The following SPRED3 variants were observed in gnomAD, a reference collection of about 807,000 sequenced individuals.
SPRED3 encodes sprouty-related, EVH1 domain-containing protein 3.
In SPRED3, 23 loss-of-function variants were observed where a neutral mutation model predicts 37.6. The ratio of observed to expected loss-of-function variants is 0.61; its 90% CI spans 0.44 to 0.87. The LOEUF (loss-of-function observed/expected upper bound fraction) is 0.87. Ranked by LOEUF, SPRED3 falls within the 40% of genes least tolerant of loss-of-function variation. The probability of loss-of-function intolerance (pLI) is 0.00; values close to 1 mark genes in which losing one functional copy is unlikely to be tolerated. For missense variants in SPRED3, 584 were observed against 618.6 expected (o/e 0.94, Z 0.59); for synonymous variants, 302 against 279.6 (o/e 1.08, Z -0.80).
In SPRED3 at chr19:38,392,338, T is replaced by A. The variant is rs1176592083; in HGVS notation, c.423+50T>A. The A allele has an allele frequency of 3.4e-6, 5 of 1,457,454 alleles. No individual in the cohort carries two copies. In the African/African-American group the frequency reaches 5.7e-5, roughly 17 times the overall value. 90.3% of individuals were successfully genotyped at this position (1,457,454 alleles called of 1,614,324 possible). A position where few individuals can be genotyped will look rare whatever the true frequency, so the allele number is the denominator to read the frequency against. Reference sequence around the variant, plus strand: ...CTGGGGGAGGGTAGGGGTTTTGTTTTTATTCTATGAACATTCTTGAGCACC... The same window carrying A: ...CTGGGGGAGGGTAGGGGTTTTGTTTATATTCTATGAACATTCTTGAGCACC... On this transcript the variant is annotated intron_variant, in intron 4 of 5. Transcript: ENST00000691638.
intron 2 of SPRED3, among the ~76,000 whole-genome samples, chr19:38,390,713 G>A (rs1054978326): frequency 1.3e-5 from 2 of 148,508 alleles, no homozygotes; most frequent in Admixed American, 6.9e-5. Flanking sequence ...CTGTCTCCCT[G>A]TACTGCTCCT....
intron 2 of SPRED3, 85 bp from the exon 3 acceptor site, chr19:38,391,861 G>T: frequency 2.0e-6 from 3 of 1,494,134 alleles, no homozygotes; most frequent in Non-Finnish European, 2.8e-6. Context: ...AGACACTAGG[G>T]TATGCATGGG....
rs1970914906 is a variant in SPRED3, at chr19:38,397,752, TC to T, written c.*1610del. 1.3e-5 allele frequency: 2 copies of T among 152,050 alleles called. No individual in the cohort carries two copies. Among genetic ancestry groups the T allele is most frequent in the Non-Finnish European group, 2.9e-5 (2 of 68,014 alleles). 9.4% of individuals were successfully genotyped at this position (152,050 alleles called of 1,614,324 possible). On this transcript the variant is annotated 3_prime_UTR_variant, in exon 6 of 6. Transcript: ENST00000691638. ...ATTACCCCTTTATCTTAGGGTGGGA[TC>T]CCTACCATTTGGAACTCATTGTAGG...
intron 4 of SPRED3, among the ~76,000 whole-genome samples, chr19:38,393,053 T>TCGGCCA (rs1970852156): frequency 1.3e-5 from 2 of 152,160 alleles, no homozygotes; most frequent in South Asian, 2.1e-4. Context: ...TTACTCGGCT[T>TCGGCCA]CGGCCACATG....
intron 4 of SPRED3, chr19:38,392,548 A>C: frequency 2.6e-6 from 1 of 388,624 alleles, no homozygotes. Flanking sequence ...TACATCAGTG[A>C]ACAAAAAGTT....
At chr19:38,391,341 AG>A (rs1970830766) in intron 2 of SPRED3, among the ~76,000 whole-genome samples, 3 of 135,186 alleles carry the variant, frequency 2.2e-5, no homozygotes, top group African/African-American at 8.0e-5. Flanking sequence ...AAAAAAAAAA[AG>A]AGAGAGAGAA....
At position 38,394,772 on chromosome 19, in the gene SPRED3, C is replaced by T. The variant is rs112201791; in HGVS notation, c.553C>T (p.Arg185Cys). ...GCCGACCACGCCCCCCCAGCGCCGC[C>T]GCTCCTCCGCTCAGGTGCGACCTGG... is the stretch of plus-strand genomic sequence containing the variant. ...FGPTTPPQRR[R>C]SSAQSYPPLL... The change falls in exon 5 of 6, where the codon CGC (arginine) becomes TGC (cysteine). Residue 185 changes from arginine to cysteine, a missense_variant. Coordinates refer to ENST00000691638, the MANE Select transcript of SPRED3 (RefSeq NM_001394336.1). 3.1e-5 allele frequency: 49 copies of T among 1,571,064 alleles called. No homozygotes were observed. Among genetic ancestry groups the T allele is most frequent in the Non-Finnish European group, 4.0e-5 (47 of 1,162,112 alleles).
chr19:38,394,591 C>T, intron 4 of SPRED3, 52 bp from the exon 5 acceptor site: 4 of 1,556,554 alleles, frequency 2.6e-6, no homozygotes, highest in Non-Finnish European at 3.5e-6. Context: ...TATGTGAGGG[C>T]ATCGGCTGTG....
At position 38,399,554 on chromosome 19, in the gene SPRED3, A is replaced by T. The variant is rs967508194; in HGVS notation, c.*3409A>T. 6.6e-6 allele frequency: 1 copy of T among 152,118 alleles called. No homozygotes were observed. The highest frequency in any genetic ancestry group is 2.4e-5 in the African/African-American group (1 of 41,406). The allele number at this position is 152,118 out of a possible 1,614,324, so 9.4% of individuals were successfully genotyped here. ...TTGTCATCGGGGGAGGGGGCACGAG[A>T]TCTGCTCCAAGAAATGTCTGTGACA... is the stretch of plus-strand genomic sequence containing the variant. On this transcript the variant is annotated 3_prime_UTR_variant, in exon 6 of 6. Coordinates refer to ENST00000691638, the MANE Select transcript of SPRED3 (RefSeq NM_001394336.1).
Position 38,398,400 on chromosome 19 carries a change from C to T in SPRED3, c.*2255C>T, listed in dbSNP as rs1970923922. 6.6e-6 allele frequency: 1 copy of T among 152,174 alleles called. No individual in the cohort carries two copies. The highest frequency in any genetic ancestry group is 2.1e-4 in the South Asian group (1 of 4,830). The allele number at this position is 152,174 out of a possible 1,614,324, so 9.4% of individuals were successfully genotyped here. On this transcript the variant is annotated 3_prime_UTR_variant, in exon 6 of 6. Transcript: ENST00000691638. ...AACAGGCATGTGCCACCACACCCAG[C>T]TAATTTTTTGTATTTTGAGTAGAGA...
Position 38,395,913 on chromosome 19 carries a change from G to T in SPRED3, c.1001G>T (p.Cys334Phe). The change falls in exon 6 of 6, where the codon TGC (cysteine) becomes TTC (phenylalanine). Residue 334 changes from cysteine to phenylalanine, a missense_variant. Cys to Phe is a radical substitution (Grantham distance 205). Around this residue, in one of 7 missense-constraint regions of SPRED3, gnomAD observed 67 missense variants for 57.4 expected, o/e 1.17. Coordinates refer to ENST00000691638, the MANE Select transcript of SPRED3 (RefSeq NM_001394336.1). The surrounding 1 kb of genome is among the most constrained non-coding windows in gnomAD (Gnocchi z 5.2). ...GTGCGCCGTCTAAGCTGCCTGTGGT[G>T]CGCCGAGAGCTTGCTCTACCACTGC... is the stretch of plus-strand genomic sequence containing the variant. ...LLVRRLSCLW[C>F]AESLLYHCLS... 2 of 1,511,538 alleles carry T rather than the reference G, an allele frequency of 1.3e-6. No individual in the cohort carries two copies. The highest frequency in any genetic ancestry group is 8.8e-7 in the Non-Finnish European group (1 of 1,139,206). 93.6% of individuals were successfully genotyped at this position (1,511,538 alleles called of 1,614,324 possible).
chr19:38,394,848 A>T (rs1970876241), intron 5 of SPRED3, 62 bp downstream of exon 5: 1 of 1,460,204 alleles, frequency 6.8e-7, no homozygotes, highest in Non-Finnish European at 9.0e-7. Context: ...GCCCGAAGGG[A>T]GCGGGAGCCA....
rs1043731513 is a variant in SPRED3, at chr19:38,397,367, G to A, written c.*1222G>A. On this transcript the variant is annotated 3_prime_UTR_variant, in exon 6 of 6. Transcript: ENST00000691638. The stretch of plus-strand genomic sequence containing the variant: ...CCTTGAGTGACCCTAAGGTACTTTA[G>A]GAGCACTGGATCCAATACCCCAAAG... 1.3e-5 allele frequency: 2 copies of A among 152,172 alleles called. No homozygotes were observed. Among genetic ancestry groups the A allele is most frequent in the African/African-American group, 4.8e-5 (2 of 41,412 alleles). The allele number at this position is 152,172 out of a possible 1,614,324, so 9.4% of individuals were successfully genotyped here.
At chr19:38,394,560 C>A in intron 4 of SPRED3, 83 bp from the exon 5 acceptor site, 3 of 1,551,554 alleles carry the variant, frequency 1.9e-6, no homozygotes, top group Non-Finnish European at 1.7e-6. Flanking sequence ...GCAGAGCCCT[C>A]GCTCTCAATG....
At chr19:38,393,744 G>A (rs1474092564) in intron 4 of SPRED3, among the ~76,000 whole-genome samples, 1 of 152,178 alleles carries the variant, frequency 6.6e-6, no homozygotes, top group Non-Finnish European at 1.5e-5. Context: ...ACAGTGCCTG[G>A]CACACAGTAA....
Position 38,396,100 on chromosome 19 carries a change from C to T in SPRED3, c.1188C>T (p.Cys396=). 2.3e-6 allele frequency: 3 copies of T among 1,292,630 alleles called. No homozygotes were observed. The highest frequency in any genetic ancestry group is 2.4e-5 in the South Asian group (1 of 41,320). The allele number at this position is 1,292,630 out of a possible 1,614,324, so 80.1% of individuals were successfully genotyped here. ...CGTGCCACTGGGTCGCAGCGCGATG[C>T]GGCTGCGCCGGCTGCGGGGGTCGCC... ...LRACHWVAAR[C]GCAGCGGRHE... The change falls in exon 6 of 6, where the codon TGC becomes TGT. Residue 396 remains cysteine (C), a synonymous_variant. Coordinates refer to ENST00000691638, the MANE Select transcript of SPRED3 (RefSeq NM_001394336.1).
Position 38,395,463 on chromosome 19 carries a change from G to T in SPRED3, c.568-17G>T. 1 of 1,436,660 alleles carries T rather than the reference G, an allele frequency of 7.0e-7. No individual in the cohort carries two copies. Among genetic ancestry groups the T allele is most frequent in the Non-Finnish European group, 9.1e-7 (1 of 1,094,458 alleles). 89.0% of individuals were successfully genotyped at this position (1,436,660 alleles called of 1,614,324 possible). ...GACTGGGATGGATTCTGATCTGTTT[G>T]TCCCTTCGTTCCGCAGAGCTACCCT... On this transcript the variant is annotated splice_polypyrimidine_tract_variant and intron_variant, in intron 5 of 5. Coordinates refer to ENST00000691638, the MANE Select transcript of SPRED3 (RefSeq NM_001394336.1). This position sits in a 1 kb window ranked among gnomAD's most constrained non-coding sequence, Gnocchi z 5.2.
intron 5 of SPRED3, 97 bp downstream of exon 5, chr19:38,394,883 G>A (rs1382689835): frequency 7.2e-7 from 1 of 1,394,394 alleles, no homozygotes; most frequent in African/African-American, 1.5e-5. Flanking sequence ...GGGGAACACA[G>A]ATTCCAGGGG....
chr19:38,390,163 C>T (rs1386664766), intron 1 of SPRED3, 136 bp from the exon 2 acceptor site: 5 of 828,990 alleles, frequency 6.0e-6, no homozygotes, highest in Non-Finnish European at 6.7e-6. Flanking sequence ...GTGGGTATTG[C>T]TAGCTTAGGG....
Sources: allele counts gnomAD v4.1 joint callset (sites outside exome capture counted in the v4.1 genomes callset), GRCh38; gene constraint gnomAD v4.1.1; regional missense constraint gnomAD v4.1.1; non-coding constraint Gnocchi (gnomAD v3.1); transcripts MANE v1.5; gene names NCBI Gene and HGNC (gene_info 2026-07-23, HGNC 2026-07-21).